The following USP34 variants were observed in gnomAD, a reference collection of about 807,000 sequenced individuals.
USP34 encodes ubiquitin specific peptidase 34.
Under a neutral mutation model 460.3 loss-of-function variants are expected in USP34, and 70 were observed. That is an observed-to-expected ratio of 0.15 (90% CI 0.13 to 0.19). The LOEUF is 0.19. Among genes scored for constraint, USP34 ranks in the 10% least tolerant of loss-of-function variants. The probability of loss-of-function intolerance (pLI) is 1.00; values close to 1 mark genes in which losing one functional copy is unlikely to be tolerated. For missense variants in USP34, 3,985 were observed against 4,236.2 expected (o/e 0.94, Z 1.65); for synonymous variants, 1,647 against 1,405.3 (o/e 1.17, Z -3.85).
chr2:61,272,336 G>C (rs1483674417), intron 41 of USP34, among the ~76,000 whole-genome samples: 1 of 151,472 alleles, frequency 6.6e-6, no homozygotes, highest in Admixed American at 6.6e-5. Flanking sequence ...GTGTGAACCT[G>C]GGAGGCAGAG....
chr2:61,295,421 A>G, intron 30 of USP34, 131 bp from the exon 31 acceptor site: 1 of 982,848 alleles, frequency 1.0e-6, no homozygotes, highest in Admixed American at 3.7e-5. Context: ...AAAACATATG[A>G]AGACTAGGTA....
At chr2:61,378,935 A>AAAAAAAAAAC (rs1692885394) in intron 7 of USP34, among the ~76,000 whole-genome samples, 1 of 146,110 alleles carries the variant, frequency 6.8e-6, no homozygotes, top group South Asian at 2.1e-4. Flanking sequence ...AAAAAAAAAA[A>AAAAAAAAAAC]AACAACACTA....
At chr2:61,348,919 A>G in intron 13 of USP34, 33 bp from the exon 14 acceptor site, 1 of 1,578,198 alleles carries the variant, frequency 6.3e-7, no homozygotes, top group Non-Finnish European at 8.6e-7. Flanking sequence ...TTTTACTTCT[A>G]ATTTATATTA....
intron 1 of USP34, among the ~76,000 whole-genome samples, chr2:61,456,513 T>C (rs1695445445): frequency 6.6e-6 from 1 of 152,086 alleles, no homozygotes. Flanking sequence ...TATGAAGATG[T>C]GGTATAAAAA....
intron 10 of USP34, among the ~76,000 whole-genome samples, chr2:61,358,508 C>T (rs1250935013): frequency 6.6e-6 from 1 of 151,914 alleles, no homozygotes; most frequent in Non-Finnish European, 1.5e-5. Flanking sequence ...ATCAAAAACC[C>T]ACAGGCAATA....
rs13395006 is a variant in USP34 at position 61,261,905 on chromosome 2, C to T, written c.5779-2129G>A. 5.7e-3 allele frequency among the ~76,000 whole-genome samples: 858 copies of T among 151,494 alleles called. 7 individuals carry two copies. Among genetic ancestry groups the T allele is most frequent in the African/African-American group, 0.02 (806 of 41,284 alleles). ...GGATCACGAGGTCAGGAGTTTGAGA[C>T]CAGCCTGGCCAAGATGGTTAAACCC... On this transcript the variant is annotated intron_variant, in intron 43 of 79. Coordinates refer to ENST00000398571, the MANE Select transcript of USP34 (RefSeq NM_014709.4).
intron 49 of USP34, 134 bp from the exon 50 acceptor site, chr2:61,246,611 G>T: frequency 1.6e-6 from 1 of 631,098 alleles, no homozygotes; most frequent in East Asian, 3.3e-5. Context: ...TTTTCCCAAT[G>T]TGACGAGTTA....
At chr2:61,468,150 A>G (rs899051855) in intron 1 of USP34, among the ~76,000 whole-genome samples, 5 of 152,210 alleles carry the variant, frequency 3.3e-5, no homozygotes, top group Non-Finnish European at 5.9e-5. Context: ...ACAACTTTTA[A>G]TAGTGTGGTA....
chr2:61,198,830 C>G (rs1336735504), intron 75 of USP34, among the ~76,000 whole-genome samples: 2 of 152,192 alleles, frequency 1.3e-5, no homozygotes, highest in Non-Finnish European at 2.9e-5. Flanking sequence ...GGTCACACCA[C>G]TGCACTCCAG....
intron 1 of USP34, among the ~76,000 whole-genome samples, chr2:61,424,593 G>C (rs769696821): frequency 2.0e-5 from 3 of 152,078 alleles, no homozygotes; most frequent in Admixed American, 6.5e-5. Flanking sequence ...AAATGATCAA[G>C]AAAAGAAATG....
intron 1 of USP34, among the ~76,000 whole-genome samples, chr2:61,457,837 G>C (rs1468679547): frequency 6.6e-6 from 1 of 152,100 alleles, no homozygotes; most frequent in African/African-American, 2.4e-5. Context: ...GACAGAGTGA[G>C]ACCCTGTCTC....
chr2:61,445,164 T>TA (rs1695073163), intron 1 of USP34, among the ~76,000 whole-genome samples: 2 of 106,230 alleles, frequency 1.9e-5, no homozygotes, highest in South Asian at 3.3e-4. Flanking sequence ...AGAACCACAC[T>TA]AAACACACAC....
In USP34 at chr2:61,248,975, T is replaced by C. The variant is rs574264243; in HGVS notation, c.6222-292A>G. Among the ~76,000 whole-genome samples, 430 of 152,292 alleles carry C rather than the reference T, an allele frequency of 2.8e-3. 1 individual carries two copies. The highest frequency in any genetic ancestry group is 9.7e-3 in the African/African-American group (401 of 41,554). ...ACAAGTATTAATAAAATACAACAAT[T>C]ATAACAATATACTGTTCACAATTTC... On this transcript the variant is annotated intron_variant, in intron 48 of 79. Coordinates refer to ENST00000398571, the MANE Select transcript of USP34 (RefSeq NM_014709.4).
chr2:61,350,728 A>G, intron 10 of USP34, 35 bp from the exon 11 acceptor site: 1 of 1,598,748 alleles, frequency 6.3e-7, no homozygotes, highest in Non-Finnish European at 8.5e-7. Flanking sequence ...GGTCAAAAAT[A>G]ATTGCCCAAT....
At chr2:61,288,937 C>T (rs1247963188) in intron 33 of USP34, 60 bp from the exon 34 acceptor site, 3 of 1,543,664 alleles carry the variant, frequency 1.9e-6, no homozygotes, top group Non-Finnish European at 2.6e-6. Flanking sequence ...GGCCACAATA[C>T]AATTTTGAAA....
In USP34 at chr2:61,283,567, G is replaced by C. The variant is rs902399248; in HGVS notation, c.4833-118C>G. 3.9e-6 allele frequency: 4 copies of C among 1,021,636 alleles called. No homozygotes were observed. In the African/African-American group the frequency reaches 5.6e-5, roughly 14 times the overall value. The allele number at this position is 1,021,636 out of a possible 1,614,324, so 63.3% of individuals were successfully genotyped here. A position where few individuals can be genotyped will look rare whatever the true frequency, so the allele number is the denominator to read the frequency against. ...TTCCCCCCCAAAAAAGGAAAGCAGT[G>C]GGTGTGTGAGTGAGAGTGAGAGTGA... On this transcript the variant is annotated intron_variant, in intron 35 of 79. Coordinates refer to ENST00000398571, the MANE Select transcript of USP34 (RefSeq NM_014709.4).
intron 39 of USP34, among the ~76,000 whole-genome samples, chr2:61,279,907 G>A (rs187738662): frequency 2.6e-4 from 39 of 152,172 alleles, no homozygotes; most frequent in Admixed American, 1.1e-3. Context: ...ACGTATTTGG[G>A]ACTCCAAACT....
At chr2:61,338,198 G>A (rs746896292) in intron 18 of USP34, among the ~76,000 whole-genome samples, 12 of 152,182 alleles carry the variant, frequency 7.9e-5, no homozygotes, top group Admixed American at 6.5e-5. Flanking sequence ...GCAGGTGCCT[G>A]TAATCCCAGC....
intron 5 of USP34, among the ~76,000 whole-genome samples, chr2:61,392,751 A>G (rs1018975907): frequency 2.0e-5 from 3 of 152,210 alleles, no homozygotes; most frequent in Non-Finnish European, 2.9e-5. Flanking sequence ...TAAATTCAAG[A>G]AACAGTTTAA....
Sources: allele counts gnomAD v4.1 joint callset (sites outside exome capture counted in the v4.1 genomes callset), GRCh38; gene constraint gnomAD v4.1.1; transcripts MANE v1.5; gene names NCBI Gene and HGNC (gene_info 2026-07-23, HGNC 2026-07-21).